Variants in ZNF568 observed in about 807,000 individuals in gnomAD.
The protein encoded by ZNF568 is p53 inhibitor of SCO2 activation.
Under a neutral mutation model 18.1 loss-of-function variants are expected in ZNF568, and 11 were observed. The observed-to-expected ratio is 0.61, with a 90% CI of 0.38 to 1.00. ZNF568 has a LOEUF of 1.00. Ranked by LOEUF, ZNF568 falls within the 50% of genes least tolerant of loss-of-function variation. The pLI is 0.01. For missense variants in ZNF568, 639 were observed against 768.2 expected, an observed-to-expected ratio of 0.83 and a Z score of 1.99; for synonymous variants, 213 against 246.6, an observed-to-expected ratio of 0.86 and a Z score of 1.28.
chr19:36,962,121 G>GTTTTT (rs34079346), intron 6 of ZNF568, among the ~76,000 whole-genome samples: 1 of 141,450 alleles, frequency 7.1e-6, no homozygotes, highest in Middle Eastern at 3.4e-3. Context: ...GTTGTTTTAT[G>GTTTTT]TTTTTTTTTT....
chr19:36,942,126 G>T (rs755094075), intron 6 of ZNF568, among the ~76,000 whole-genome samples: 1 of 151,538 alleles, frequency 6.6e-6, no homozygotes, highest in Non-Finnish European at 1.5e-5. Context: ...GGGATCACAG[G>T]CATACACCAC....
At chr19:36,957,072 T>TGG (rs1353788307), downstream of ZNF568, among the ~76,000 whole-genome samples, 3 of 152,116 alleles carry the variant, frequency 2.0e-5, no homozygotes, top group Non-Finnish European at 4.4e-5. Flanking sequence ...AGTAGACAGC[T>TGG]GGGTTCTCAT....
In ZNF568 at chr19:36,996,358, G is replaced by T. The variant is rs2074471478; in HGVS notation, c.271G>T (p.Glu91Ter). 1.3e-6 allele frequency: 2 copies of T among 1,533,576 alleles called. No homozygotes were observed. Among genetic ancestry groups the T allele is most frequent in the Non-Finnish European group, 1.7e-6 (2 of 1,146,298 alleles). The allele number at this position is 1,533,576 out of a possible 1,614,324, so 95.0% of individuals were successfully genotyped here. The change falls in exon 5 of 5, where the codon GAA becomes TAA. Residue 91 changes from glutamate (E) to a stop codon, truncating the protein, a stop_gained. Transcript: ENST00000433993. LOFTEE classifies it low-confidence loss of function (END_TRUNC). ...AGAAACCAAGAATTTATCTCCAAAG[G>T]AAAACATTTATGAAATTAGATCACC... is the stretch of plus-strand genomic sequence containing the variant.
At chr19:36,942,207 C>G (rs1056602384) in intron 6 of ZNF568, among the ~76,000 whole-genome samples, 1 of 151,518 alleles carries the variant, frequency 6.6e-6, no homozygotes, top group African/African-American at 2.4e-5. Flanking sequence ...GTCTCGAACT[C>G]CTGACTCACC....
intron 2 of ZNF568, among the ~76,000 whole-genome samples, chr19:36,986,694 G>A (rs985327280): frequency 3.3e-5 from 5 of 152,018 alleles, no homozygotes; most frequent in Admixed American, 1.3e-4. Flanking sequence ...TGCGACCCTG[G>A]TGCCCACGTA....
At chr19:36,976,055 T>C (rs1358228826) in intron 7 of ZNF568, among the ~76,000 whole-genome samples, 2 of 152,204 alleles carry the variant, frequency 1.3e-5, no homozygotes, top group Non-Finnish European at 2.9e-5. Flanking sequence ...TTTTTCAAGA[T>C]AGAAATAACC....
intron 6 of ZNF568, among the ~76,000 whole-genome samples, chr19:36,963,586 T>TA (rs2074171179): frequency 6.6e-6 from 1 of 152,186 alleles, no homozygotes; most frequent in South Asian, 2.1e-4. Flanking sequence ...CAGTCTCTAT[T>TA]AAATGAATTT....
At chr19:36,996,501 A>G in exon 5 of ZNF568, 1 of 1,536,424 alleles carries the variant, frequency 6.5e-7, no homozygotes, top group Non-Finnish European at 8.7e-7. Flanking sequence ...TGCAGTGCAC[A>G]GCCCATAGAG....
In ZNF568 at chr19:36,950,140, T is replaced by G. The variant is rs1210200062; in HGVS notation, c.987T>G (p.Thr329=). 3 of 1,613,888 alleles carry G rather than the reference T, an allele frequency of 1.9e-6. No homozygotes were observed. Among genetic ancestry groups the G allele is most frequent in the East Asian group, 2.2e-5 (1 of 44,850 alleles). ...TCATTGAACATGAGCGAATTCACAC[T>G]GGAGAGAAACCCTATGAATGTAAGG... ...SNLIEHERIH[T]GEKPYECKEC... The change falls in exon 7 of 7, where the codon ACT becomes ACG. Residue 329 remains threonine, a synonymous_variant. Transcript: ENST00000333987.
chr19:36,933,160 T>TTA (rs34532280), intron 4 of ZNF568, among the ~76,000 whole-genome samples: 3 of 151,484 alleles, frequency 2.0e-5, no homozygotes, highest in African/African-American at 7.3e-5. Context: ...TTTTTTTTTT[T>TTA]AAGCTCTTAC....
At chr19:36,937,625 T>G (rs936417640) in intron 6 of ZNF568, among the ~76,000 whole-genome samples, 1 of 152,208 alleles carries the variant, frequency 6.6e-6, no homozygotes, top group Non-Finnish European at 1.5e-5. Flanking sequence ...TTTTAAAACA[T>G]GTTTCACACT....
At chr19:36,932,394 C>T (rs1350713945) in intron 4 of ZNF568, among the ~76,000 whole-genome samples, 1 of 152,184 alleles carries the variant, frequency 6.6e-6, no homozygotes, top group Non-Finnish European at 1.5e-5. Context: ...TCAAGACCCA[C>T]CTGACCAACA....
chr19:36,966,503 T>C (rs1041618846), intron 6 of ZNF568, among the ~76,000 whole-genome samples: 1 of 152,202 alleles, frequency 6.6e-6, no homozygotes, highest in African/African-American at 2.4e-5. Flanking sequence ...AAAAAGTGTG[T>C]AGAAACTTAG....
rs954560791 is a variant in ZNF568 at position 36,922,725 on chromosome 19, G to T, written c.-46G>T. 2 of 1,577,496 alleles carry T rather than the reference G, an allele frequency of 1.3e-6. No individual in the cohort carries two copies. The highest frequency in any genetic ancestry group is 2.7e-5 in the African/African-American group (2 of 74,176). ...CTGAAAGAGAGTGGACCCTGGAGTT[G>T]CTGGAGCTTGTCTTGACCCTTCTGC... is the stretch of plus-strand genomic sequence containing the variant. On this transcript the variant is annotated 5_prime_UTR_variant, in exon 3 of 7. Transcript: ENST00000333987.
At chr19:36,991,258 G>C in exon 3 of ZNF568, 1 of 1,535,580 alleles carries the variant, frequency 6.5e-7, no homozygotes, top group East Asian at 2.4e-5. Context: ...GATTTGTACC[G>C]AGATGTAATG....
chr19:36,939,542 T>C (rs2073845556), intron 6 of ZNF568, among the ~76,000 whole-genome samples: 2 of 138,836 alleles, frequency 1.4e-5, no homozygotes, highest in South Asian at 2.4e-4. Context: ...CTTTTTTTTT[T>C]TTTTTTTTTT....
chr19:36,943,695 C>T (rs962009664), intron 6 of ZNF568, among the ~76,000 whole-genome samples: 1 of 152,054 alleles, frequency 6.6e-6, no homozygotes, highest in Non-Finnish European at 1.5e-5. Context: ...GTGCCTCCAC[C>T]TCCCGAGTAC....
At chr19:36,971,836 C>T (rs1399423566) in intron 6 of ZNF568, among the ~76,000 whole-genome samples, 1 of 134,360 alleles carries the variant, frequency 7.4e-6, no homozygotes, top group African/African-American at 3.0e-5. Flanking sequence ...TGCGCCTGAC[C>T]TATTTATAAC....
At chr19:36,987,336 A>T (rs1423838865) in intron 2 of ZNF568, among the ~76,000 whole-genome samples, 1 of 152,146 alleles carries the variant, frequency 6.6e-6, no homozygotes, top group Non-Finnish European at 1.5e-5. Context: ...GAGCCTGCTG[A>T]TCCTGTGGGT....
Sources: gnomAD v4.1 joint callset for allele counts (sites outside exome capture counted in the v4.1 genomes callset) on GRCh38, gnomAD v4.1.1 for gene constraint, MANE v1.5 for transcripts, NCBI Gene and HGNC (gene_info 2026-07-23, HGNC 2026-07-21) for gene names.